Variants in HPS3 observed in about 807,000 individuals in gnomAD.
The protein encoded by HPS3 is BLOC-2 complex member HPS3.
A neutral mutation model predicts 110.9 loss-of-function variants in HPS3; 79 were observed. The ratio of observed to expected loss-of-function variants is 0.71; its 90% confidence interval spans 0.59 to 0.86. The LOEUF is 0.86. HPS3 is among the 40% of genes least tolerant of loss of function. The probability of loss-of-function intolerance (pLI) is 0.00; values close to 1 mark genes in which losing one functional copy is unlikely to be tolerated. For synonymous variants in HPS3, 428 were observed against 451.0 expected (o/e 0.95, Z 0.65); for missense variants, 1,197 against 1,206.2 (o/e 0.99, Z 0.11).
At chr3:149,155,275 G>T (rs1723379227) in intron 8 of HPS3, 60 bp downstream of exon 8, 2 of 989,464 alleles carry the variant, frequency 2.0e-6, no homozygotes, top group Non-Finnish European at 1.6e-6. Context: ...TTAATGATCA[G>T]AAATTGATTC....
At chr3:149,139,818 A>G (rs1722322993) in intron 1 of HPS3, among the ~76,000 whole-genome samples, 186 bp from the exon 2 acceptor site, 1 of 152,232 alleles carries the variant, frequency 6.6e-6, no homozygotes, top group South Asian at 2.1e-4. Context: ...GAGAGATTGC[A>G]TTTCAGAACC....
At chr3:149,163,168 C>T (rs898016522) in intron 13 of HPS3, among the ~76,000 whole-genome samples, 2 of 152,186 alleles carry the variant, frequency 1.3e-5, no homozygotes, top group African/African-American at 4.8e-5. Context: ...CAGAACATCA[C>T]CTCATCTGTC....
chr3:149,162,720 C>T lies in HPS3; in HGVS notation c.2323C>T (p.Pro775Ser). ...TTGTGCTAAGGATGAAGATACAATTCCTCAGCTCTTGGTAGACTTTTGGGA... is the reference window on the plus strand; with the variant it reads ...TTGTGCTAAGGATGAAGATACAATTTCTCAGCTCTTGGTAGACTTTTGGGA... ...VLCAKDEDTI[P>S]QLLVDFWEAQ... is the part of the protein sequence containing the mutation. Residue 775 changes from proline to serine, a missense_variant, in exon 13 of 17, where the codon CCT becomes TCT. Physicochemically the swap from Pro to Ser is moderately conservative, Grantham distance 74. Transcript: ENST00000296051. 6.2e-7 allele frequency: 1 copy of T among 1,613,976 alleles called. No individual in the cohort carries two copies. The highest frequency in any genetic ancestry group is 8.5e-7 in the Non-Finnish European group (1 of 1,179,948).
chr3:149,139,983 A>T, intron 1 of HPS3, 21 bp from the exon 2 acceptor site: 1 of 1,607,172 alleles, frequency 6.2e-7, no homozygotes, highest in East Asian at 2.2e-5. Context: ...AATTCTCAGT[A>T]TAATCTTCAT....
chr3:149,167,811 C>T (rs573577825), intron 15 of HPS3, 82 bp from the exon 16 acceptor site: 32 of 873,122 alleles, frequency 3.7e-5, no homozygotes, highest in East Asian at 1.5e-4. Context: ...TCTGTGCTTT[C>T]CTGCACAATC....
At chr3:149,162,629 C>A in intron 12 of HPS3, 61 bp from the exon 13 acceptor site, 1 of 1,532,728 alleles carries the variant, frequency 6.5e-7, no homozygotes, top group Non-Finnish European at 9.0e-7. Context: ...TTCAGCCCAG[C>A]TGTCGCTTTA....
At chr3:149,153,442 G>A in intron 6 of HPS3, 52 bp from the exon 7 acceptor site, 1 of 1,464,514 alleles carries the variant, frequency 6.8e-7, no homozygotes, top group East Asian at 2.3e-5. Flanking sequence ...TTTGAAGATT[G>A]AAGTGCATGT....
chr3:149,171,865 C>T (rs145953281), intron 16 of HPS3, among the ~76,000 whole-genome samples: 8 of 151,976 alleles, frequency 5.3e-5, no homozygotes, highest in South Asian at 2.1e-4. Flanking sequence ...CCACCATGCC[C>T]GGCTAATTTT....
At chr3:149,134,623 C>T (rs1346139615) in intron 1 of HPS3, among the ~76,000 whole-genome samples, 1 of 152,108 alleles carries the variant, frequency 6.6e-6, no homozygotes, top group Non-Finnish European at 1.5e-5. Flanking sequence ...TAGTAGTTTC[C>T]CTGGAGTGAG....
chr3:149,157,843 G>A (rs146802312), intron 9 of HPS3, among the ~76,000 whole-genome samples: 1 of 152,128 alleles, frequency 6.6e-6, no homozygotes, highest in African/African-American at 2.4e-5. Flanking sequence ...GAAAATCCCT[G>A]ACATTAAAAA....
At chr3:149,144,121 A>G (rs1312469072) in intron 4 of HPS3, among the ~76,000 whole-genome samples, 1 of 152,036 alleles carries the variant, frequency 6.6e-6, no homozygotes, top group Non-Finnish European at 1.5e-5. Flanking sequence ...TCACGCCTGT[A>G]ATCCCAGCAC....
Position 149,172,193 on chromosome 3 carries a change from T to C in HPS3, c.2986T>C (p.Tyr996His). 1 of 1,613,648 alleles carries C rather than the reference T, an allele frequency of 6.2e-7. No individual in the cohort carries two copies. Among genetic ancestry groups the C allele is most frequent in the South Asian group, 1.1e-5 (1 of 91,066 alleles). Residue 996 changes from tyrosine (Y) to histidine (H), a missense_variant, in exon 17 of 17, where the codon TAT becomes CAT. By Grantham distance (83) the Tyr-to-His change is moderately conservative. Coordinates refer to ENST00000296051, the MANE Select transcript of HPS3 (RefSeq NM_032383.5). ...TATFFLPYLL[Y>H]CSRKKPLT is the part of the protein sequence containing the mutation. ...AACATTTTTCTTGCCATATCTTCTC[T>C]ATTGCAGTCGAAAGAAACCATTGAC... is the stretch of plus-strand genomic sequence containing the variant.
chr3:149,138,448 A>G (rs1220567781), intron 1 of HPS3, among the ~76,000 whole-genome samples: 1 of 152,234 alleles, frequency 6.6e-6, no homozygotes, highest in Non-Finnish European at 1.5e-5. Flanking sequence ...GCAAAATTCT[A>G]AAGATTAAAA....
At chr3:149,162,060 G>A in intron 11 of HPS3, 88 bp from the exon 12 acceptor site, 1 of 1,046,302 alleles carries the variant, frequency 9.6e-7, no homozygotes, top group East Asian at 2.5e-5. Context: ...ACCATGCATT[G>A]TGAATGCACT....
intron 6 of HPS3, 66 bp from the exon 7 acceptor site, chr3:149,153,428 G>T: frequency 7.4e-7 from 1 of 1,354,868 alleles, no homozygotes; most frequent in Non-Finnish European, 1.1e-6. Context: ...TAAACTGACT[G>T]ATTTTTGAAG....
chr3:149,153,750 C>G, intron 7 of HPS3, 102 bp downstream of exon 7: 2 of 1,205,240 alleles, frequency 1.7e-6, no homozygotes, highest in South Asian at 2.5e-5. Flanking sequence ...TTGGAATGAT[C>G]AAATGGCTTT....
Position 149,131,142 on chromosome 3 carries a change from A to G in HPS3, c.217+1202A>G, listed in dbSNP as rs545825097. On this transcript the variant is annotated intron_variant, in intron 1 of 16. Transcript: ENST00000296051. ...TATGTTAAAAAAAAAAAAAAAAAACAAAAAGTTGAATAAATAGATCAGTGA... is the reference window on the plus strand; with the variant it reads ...TATGTTAAAAAAAAAAAAAAAAAACGAAAAGTTGAATAAATAGATCAGTGA... Among the ~76,000 whole-genome samples, 120 of 127,120 alleles carry G rather than the reference A, an allele frequency of 9.4e-4. 2 individuals are homozygous for G. Among genetic ancestry groups the G allele is most frequent in the African/African-American group, 4.1e-3 (112 of 27,586 alleles). The allele number at this position is 127,120 out of a possible 152,430, so 83.4% of individuals were successfully genotyped here.
intron 1 of HPS3, among the ~76,000 whole-genome samples, chr3:149,133,058 A>T (rs1002589514): frequency 2.6e-5 from 4 of 152,212 alleles, no homozygotes; most frequent in African/African-American, 9.6e-5. Flanking sequence ...GTTTCTTGAG[A>T]TGGAATTGTT....
intron 1 of HPS3, chr3:149,130,400 C>G (rs1721688854): frequency 5.9e-6 from 1 of 168,932 alleles, no homozygotes; most frequent in South Asian, 1.4e-4. Flanking sequence ...GTACCTCCAT[C>G]TACTTCCGGT....
Sources: allele counts gnomAD v4.1 joint callset (sites outside exome capture counted in the v4.1 genomes callset), GRCh38; gene constraint gnomAD v4.1.1; transcripts MANE v1.5; gene names NCBI Gene and HGNC (gene_info 2026-07-23, HGNC 2026-07-21).